RIMS1: variants seen among roughly 807,000 people sequenced by gnomAD.
RIMS1 encodes the protein regulating synaptic membrane exocytosis protein 1.
RIMS1 carries 83 observed loss-of-function variants against 214.1 expected under a neutral mutation model. The observed-to-expected ratio is 0.39, with a 90% CI of 0.32 to 0.47. RIMS1 has a LOEUF of 0.47. Ranked by LOEUF, RIMS1 falls within the 20% of genes least tolerant of loss-of-function variation. The pLI is 0.99. For synonymous variants in RIMS1, 793 were observed against 786.8 expected, an observed-to-expected ratio of 1.01 and a Z score of -0.13; for missense variants, 2,050 against 2,161.8, an observed-to-expected ratio of 0.95 and a Z score of 1.03.
chr6:72,072,065 A>C (rs774515457), intron 2 of RIMS1, among the ~76,000 whole-genome samples: 39 of 152,216 alleles, frequency 2.6e-4, no homozygotes, highest in Non-Finnish European at 4.6e-4. Flanking sequence ...ATGCCTCACA[A>C]GGTGATTCCC....
chr6:72,322,014 C>A (rs2096198807), intron 28 of RIMS1, among the ~76,000 whole-genome samples: 1 of 152,018 alleles, frequency 6.6e-6, no homozygotes, highest in Non-Finnish European at 1.5e-5. Context: ...AGGATTTAAC[C>A]ACATCTGTAA....
intron 29 of RIMS1, among the ~76,000 whole-genome samples, chr6:72,378,630 G>A (rs1296997523): frequency 1.3e-5 from 2 of 152,120 alleles, no homozygotes; most frequent in Admixed American, 6.5e-5. Flanking sequence ...AGGAGTTCAC[G>A]ACCAGCCTGG....
intron 1 of RIMS1, among the ~76,000 whole-genome samples, chr6:71,916,019 G>T (rs534219966): frequency 6.6e-6 from 1 of 152,008 alleles, no homozygotes; most frequent in African/African-American, 2.4e-5. Context: ...CTCCCACCGG[G>T]TCCATCCCAC....
At chr6:72,199,285 T>A (rs577295210) in intron 6 of RIMS1, among the ~76,000 whole-genome samples, 14 of 151,934 alleles carry the variant, frequency 9.2e-5, no homozygotes, top group Admixed American at 5.2e-4. Flanking sequence ...CAAGAAAAAA[T>A]ATGATGTAAT....
At chr6:72,123,730 C>T (rs1380532156) in intron 4 of RIMS1, among the ~76,000 whole-genome samples, 1 of 151,746 alleles carries the variant, frequency 6.6e-6, no homozygotes, top group African/African-American at 2.4e-5. Context: ...TATGTAATGG[C>T]CTTCTTTGTC....
chr6:71,989,519 G>A (rs571886548), intron 2 of RIMS1, among the ~76,000 whole-genome samples: 1 of 152,078 alleles, frequency 6.6e-6, no homozygotes, highest in Non-Finnish European at 1.5e-5. Flanking sequence ...TTCACATTTT[G>A]TACTTAATTT....
chr6:72,211,483 G>A (rs1400159864), intron 6 of RIMS1, among the ~76,000 whole-genome samples: 1 of 152,172 alleles, frequency 6.6e-6, no homozygotes, highest in East Asian at 1.9e-4. Context: ...TTACATAAGT[G>A]AGTCAGCTGT....
At chr6:72,133,828 C>T (rs2153859340) in intron 4 of RIMS1, among the ~76,000 whole-genome samples, 1 of 152,174 alleles carries the variant, frequency 6.6e-6, no homozygotes, top group Non-Finnish European at 1.5e-5. Flanking sequence ...AAAATCTTTC[C>T]TTTGTCATCT....
chr6:72,218,096 C>T (rs997465944), intron 6 of RIMS1, among the ~76,000 whole-genome samples: 11 of 86,102 alleles, frequency 1.3e-4, no homozygotes, highest in African/African-American at 3.1e-4. Context: ...GTAAATACAG[C>T]GGTTTTTTTG....
intron 6 of RIMS1, among the ~76,000 whole-genome samples, chr6:72,222,649 G>T (rs1220101422): frequency 6.6e-6 from 1 of 152,006 alleles, no homozygotes; most frequent in Non-Finnish European, 1.5e-5. Flanking sequence ...CCAGCTTATT[G>T]TTATGATTAT....
chr6:72,317,814 AT>A (rs1437197817), intron 28 of RIMS1, among the ~76,000 whole-genome samples: 1 of 152,088 alleles, frequency 6.6e-6, no homozygotes, highest in Non-Finnish European at 1.5e-5. Flanking sequence ...TGCCTATTCG[AT>A]TTGGTATTTA....
intron 22 of RIMS1, among the ~76,000 whole-genome samples, chr6:72,268,533 A>G (rs2081608850): frequency 6.6e-6 from 1 of 152,178 alleles, no homozygotes; most frequent in Non-Finnish European, 1.5e-5. Context: ...TTCTGTTAAG[A>G]TAAAGGGTGA....
chr6:71,932,893 AT>A (rs1381568714), intron 1 of RIMS1, among the ~76,000 whole-genome samples: 19 of 152,174 alleles, frequency 1.2e-4, no homozygotes, highest in Admixed American at 3.3e-4. Context: ...AGGAACATAA[AT>A]TTAAAATTCT....
At chr6:71,991,502 A>G (rs966509926) in intron 2 of RIMS1, among the ~76,000 whole-genome samples, 6 of 152,202 alleles carry the variant, frequency 3.9e-5, no homozygotes, top group Non-Finnish European at 7.3e-5. Context: ...TCATTTAGTC[A>G]TTGAACACAA....
chr6:72,212,811 A>C, intron 6 of RIMS1: 1 of 1,045,658 alleles, frequency 9.6e-7, no homozygotes, highest in Non-Finnish European at 1.2e-6. Flanking sequence ...GCTTCTCCTC[A>C]GTAAATGCTA....
intron 2 of RIMS1, among the ~76,000 whole-genome samples, chr6:72,024,013 T>G (rs954110975): frequency 6.6e-6 from 1 of 152,094 alleles, no homozygotes; most frequent in Non-Finnish European, 1.5e-5. Context: ...GAGGTGAAAC[T>G]ACAAAGCTTT....
At chr6:72,261,655 G>T (rs2078080984) in intron 19 of RIMS1, 1 of 985,208 alleles carries the variant, frequency 1.0e-6, no homozygotes, top group Non-Finnish European at 1.2e-6. Flanking sequence ...GAAAGAGAAA[G>T]AAAGAGGTAT....
At chr6:72,298,938 AG>A (rs2094361709) in intron 26 of RIMS1, among the ~76,000 whole-genome samples, 1 of 152,050 alleles carries the variant, frequency 6.6e-6, no homozygotes, top group Non-Finnish European at 1.5e-5. Context: ...AAATGTTCAT[AG>A]TACTTTGTTT....
chr6:72,135,388 G>A (rs2041120926), intron 4 of RIMS1, among the ~76,000 whole-genome samples: 1 of 152,090 alleles, frequency 6.6e-6, no homozygotes, highest in African/African-American at 2.4e-5. Context: ...CATGCATACT[G>A]TCAAGAACAT....
Sources: allele counts gnomAD v4.1 joint callset (sites outside exome capture counted in the v4.1 genomes callset), GRCh38; gene constraint gnomAD v4.1.1; transcripts MANE v1.5; gene names NCBI Gene and HGNC (gene_info 2026-07-23, HGNC 2026-07-21).